The following DLG2 variants were observed in gnomAD, a reference collection of about 807,000 sequenced individuals.
The protein encoded by DLG2 is discs large MAGUK scaffold protein 2.
DLG2 carries 45 observed loss-of-function variants against 132.5 expected under a neutral mutation model. That is an observed-to-expected ratio of 0.34 (90% CI 0.27 to 0.44). The LOEUF (loss-of-function observed/expected upper bound fraction) is 0.44, where lower values mean the gene tolerates loss of function less well. DLG2 is among the 20% of genes least tolerant of loss of function. The probability of loss-of-function intolerance (pLI) is 1.00; values close to 1 mark genes in which losing one functional copy is unlikely to be tolerated. For missense variants in DLG2, 1,045 were observed against 1,196.9 expected (o/e 0.87, Z 1.87); for synonymous variants, 424 against 419.6 (o/e 1.01, Z -0.13).
chr11:84,703,171 A>G (rs2059383694), intron 6 of DLG2, among the ~76,000 whole-genome samples: 1 of 151,686 alleles, frequency 6.6e-6, no homozygotes, highest in Admixed American at 6.6e-5. Flanking sequence ...ATTATGCAAG[A>G]TGAATGAAGT....
chr11:85,353,383 G>T (rs2083444713), intron 3 of DLG2, among the ~76,000 whole-genome samples: 1 of 152,206 alleles, frequency 6.6e-6, no homozygotes, highest in African/African-American at 2.4e-5. Flanking sequence ...CTTTTACACT[G>T]TTGGTGGGAG....
chr11:84,533,272 G>A (rs1006337703), intron 7 of DLG2, among the ~76,000 whole-genome samples: 8 of 152,170 alleles, frequency 5.3e-5, no homozygotes, highest in African/African-American at 1.2e-4. Flanking sequence ...CATCGATGTC[G>A]TGTTTTTCAG....
At chr11:83,999,553 A>C (rs1215180403) in intron 11 of DLG2, among the ~76,000 whole-genome samples, 3 of 152,092 alleles carry the variant, frequency 2.0e-5, no homozygotes, top group Non-Finnish European at 4.4e-5. Context: ...GAGGCCCAAG[A>C]ATTGGCCCAC....
At chr11:84,699,831 G>A (rs1485087880) in intron 6 of DLG2, among the ~76,000 whole-genome samples, 2 of 151,590 alleles carry the variant, frequency 1.3e-5, no homozygotes, top group Non-Finnish European at 3.0e-5. Flanking sequence ...AATTCAAGAA[G>A]GCAAACCTCA....
chr11:83,712,343 G>A (rs1423743990), intron 18 of DLG2, among the ~76,000 whole-genome samples: 1 of 152,088 alleles, frequency 6.6e-6, no homozygotes, highest in African/African-American at 2.4e-5. Context: ...AAAGGATCAA[G>A]ATTTGCCGGG....
At chr11:84,812,719 ATGTCACAGCCTCTGGG>A (rs1156767185) in intron 6 of DLG2, among the ~76,000 whole-genome samples, 1 of 152,180 alleles carries the variant, frequency 6.6e-6, no homozygotes, top group Non-Finnish European at 1.5e-5. Flanking sequence ...TGACTTTTAA[ATGTCACAGCCTCTGGG>A]TGGTTCTCTT....
At chr11:84,766,005 C>T (rs2153876908) in intron 6 of DLG2, among the ~76,000 whole-genome samples, 1 of 152,160 alleles carries the variant, frequency 6.6e-6, no homozygotes, top group East Asian at 1.9e-4. Flanking sequence ...ACAATACCTT[C>T]AGTTCACTTA....
intron 4 of DLG2, among the ~76,000 whole-genome samples, chr11:85,165,327 G>A (rs570247572): frequency 6.6e-5 from 10 of 152,158 alleles, no homozygotes; most frequent in African/African-American, 9.7e-5. Context: ...TTTGGACTGA[G>A]TTCCTTCACT....
intron 7 of DLG2, chr11:84,437,654 T>C (rs2099004973): frequency 6.6e-6 from 1 of 152,314 alleles, no homozygotes; most frequent in African/African-American, 2.4e-5. Context: ...GGCAGTCCTG[T>C]TTGGCCAGTC....
At chr11:85,128,490 C>T (rs1467437797) in intron 5 of DLG2, among the ~76,000 whole-genome samples, 1 of 152,134 alleles carries the variant, frequency 6.6e-6, no homozygotes, top group Non-Finnish European at 1.5e-5. Context: ...CAGTTCCACA[C>T]TTTTTTCTGT....
chr11:84,552,039 G>A (rs2099402790), intron 6 of DLG2, among the ~76,000 whole-genome samples: 1 of 152,126 alleles, frequency 6.6e-6, no homozygotes, highest in African/African-American at 2.4e-5. Context: ...ACATTAGACT[G>A]AGAGCTCCCT....
chr11:84,295,952 A>C (rs2098083782), intron 7 of DLG2, among the ~76,000 whole-genome samples: 1 of 152,230 alleles, frequency 6.6e-6, no homozygotes, highest in African/African-American at 2.4e-5. Flanking sequence ...GTGATGTGAT[A>C]ATGGATATTA....
At chr11:84,547,789 CA>C (rs1307388662) in intron 6 of DLG2, among the ~76,000 whole-genome samples, 3 of 152,000 alleles carry the variant, frequency 2.0e-5, no homozygotes, top group African/African-American at 2.4e-5. Context: ...ATTATTGTAC[CA>C]GGGGCAAATA....
intron 6 of DLG2, among the ~76,000 whole-genome samples, chr11:84,821,657 A>AAAC (rs2077711752): frequency 1.3e-5 from 2 of 151,200 alleles, no homozygotes; most frequent in African/African-American, 2.4e-5. Context: ...ACAACAAAAA[A>AAAC]AACAAAAAAA....
intron 19 of DLG2, among the ~76,000 whole-genome samples, chr11:83,560,142 C>T (rs564574784): frequency 2.1e-4 from 31 of 150,180 alleles, no homozygotes; most frequent in Non-Finnish European, 3.0e-4. Flanking sequence ...CTTCTTGAGA[C>T]GGAGTCTCAC....
At chr11:84,874,175 G>C (rs10128662) in intron 6 of DLG2, among the ~76,000 whole-genome samples, 1 of 152,106 alleles carries the variant, frequency 6.6e-6, no homozygotes, top group Non-Finnish European at 1.5e-5. Flanking sequence ...ACACACATGA[G>C]GGTATTAATA....
intron 18 of DLG2, among the ~76,000 whole-genome samples, chr11:83,698,735 A>C (rs1198863089): frequency 6.6e-6 from 1 of 152,214 alleles, no homozygotes; most frequent in African/African-American, 2.4e-5. Flanking sequence ...AAGCTCTGAA[A>C]GCCTATCCTA....
intron 3 of DLG2, among the ~76,000 whole-genome samples, chr11:85,543,314 A>C (rs192935065): frequency 6.6e-6 from 1 of 152,240 alleles, no homozygotes; most frequent in East Asian, 1.9e-4. Flanking sequence ...AAGGATATTA[A>C]TTCATCATTT....
chr11:85,578,417 T>C (rs2078294310), intron 3 of DLG2, among the ~76,000 whole-genome samples: 1 of 152,154 alleles, frequency 6.6e-6, no homozygotes, highest in South Asian at 2.1e-4. Context: ...AGAGAGCTTC[T>C]ACACAGCAAA....
Sources: gnomAD v4.1 joint callset for allele counts (sites outside exome capture counted in the v4.1 genomes callset) on GRCh38, gnomAD v4.1.1 for gene constraint, MANE v1.5 for transcripts, NCBI Gene and HGNC (gene_info 2026-07-23, HGNC 2026-07-21) for gene names.